RALYL: variants seen among roughly 807,000 people sequenced by gnomAD.
The protein encoded by RALYL is RNA-binding Raly-like protein.
In RALYL, 29 loss-of-function variants were observed where a neutral mutation model predicts 35.1. That is an observed-to-expected ratio of 0.83 (90% CI 0.61 to 1.13). RALYL has a LOEUF of 1.13. Ranked by LOEUF, RALYL falls within the 50% of genes most tolerant of loss-of-function variation. RALYL has a pLI of 0.00. For synonymous variants in RALYL, 120 were observed against 127.6 expected, an observed-to-expected ratio of 0.94 and a Z score of 0.40; for missense variants, 359 against 360.4, an observed-to-expected ratio of 1.00 and a Z score of 0.03.
chr8:84,884,401 A>C (rs1478393959), intron 7 of RALYL, among the ~76,000 whole-genome samples: 1 of 152,044 alleles, frequency 6.6e-6, no homozygotes, highest in Admixed American at 6.6e-5. Flanking sequence ...GATGAGGACT[A>C]TGCATGTTTA....
intron 6 of RALYL, among the ~76,000 whole-genome samples, chr8:84,869,178 C>T (rs569889043): frequency 6.6e-6 from 1 of 151,902 alleles, no homozygotes; most frequent in Admixed American, 6.6e-5. Flanking sequence ...CTGCATGGCA[C>T]AATAAAAAAT....
intron 1 of RALYL, among the ~76,000 whole-genome samples, chr8:84,236,542 C>T (rs1161523878): frequency 4.6e-5 from 7 of 152,006 alleles, no homozygotes; most frequent in Admixed American, 2.0e-4. Flanking sequence ...CCAAGTCATG[C>T]GATTGGGTTG....
At chr8:84,556,502 A>G (rs764682476) in intron 2 of RALYL, among the ~76,000 whole-genome samples, 1 of 151,964 alleles carries the variant, frequency 6.6e-6, no homozygotes, top group Non-Finnish European at 1.5e-5. Flanking sequence ...GTAAAAGACA[A>G]AAAAAAATAA....
intron 7 of RALYL, among the ~76,000 whole-genome samples, chr8:84,879,364 A>G (rs992337020): frequency 3.3e-5 from 5 of 152,208 alleles, no homozygotes; most frequent in Admixed American, 3.3e-4. Context: ...AATATTCTTC[A>G]GGAAAGAAAA....
At chr8:84,601,168 A>G (rs548562983) in intron 2 of RALYL, among the ~76,000 whole-genome samples, 4 of 152,246 alleles carry the variant, frequency 2.6e-5, no homozygotes, top group African/African-American at 9.6e-5. Flanking sequence ...TCTTAGTACT[A>G]TGGATAAGCA....
At chr8:84,915,116 G>A (rs1236287365) in intron 8 of RALYL, among the ~76,000 whole-genome samples, 1 of 151,922 alleles carries the variant, frequency 6.6e-6, no homozygotes, top group Admixed American at 6.6e-5. Context: ...CATATAAACT[G>A]TTTTTATAAA....
At chr8:84,519,590 T>A (rs891218528) in intron 1 of RALYL, among the ~76,000 whole-genome samples, 1 of 152,194 alleles carries the variant, frequency 6.6e-6, no homozygotes, top group Non-Finnish European at 1.5e-5. Flanking sequence ...CTTAGACCAA[T>A]GGCAGATATA....
rs182960608 is a variant in RALYL at position 84,564,667 on chromosome 8, G to C, written c.256+35090G>C. Among the ~76,000 whole-genome samples the C allele has an allele frequency of 2.2e-3, 328 of 151,698 alleles. 2 individuals are homozygous for C. Among genetic ancestry groups the C allele is most frequent in the African/African-American group, 7.7e-3 (320 of 41,454 alleles). On this transcript the variant is annotated intron_variant, in intron 2 of 8. Transcript: ENST00000521268. ...TTGTCGGTTACTTTTGTAAAGAGTA[G>C]TGATTTTACAGACATAAAGGCTTCT...
chr8:84,583,503 A>G (rs908091065), intron 2 of RALYL, among the ~76,000 whole-genome samples: 4 of 152,152 alleles, frequency 2.6e-5, no homozygotes, highest in Non-Finnish European at 4.4e-5. Flanking sequence ...TTAATTTAAT[A>G]AATAATCAAA....
intron 1 of RALYL, among the ~76,000 whole-genome samples, chr8:84,461,511 C>T (rs1213447713): frequency 6.6e-6 from 1 of 151,548 alleles, no homozygotes; most frequent in Non-Finnish European, 1.5e-5. Flanking sequence ...GATAAACAAC[C>T]ATATTCTCTA....
intron 2 of RALYL, among the ~76,000 whole-genome samples, chr8:84,560,025 A>G (rs2135567337): frequency 6.6e-6 from 1 of 151,864 alleles, no homozygotes; most frequent in Admixed American, 6.6e-5. Context: ...GCCTAACCTA[A>G]ACAAAAATGA....
chr8:84,330,009 A>T (rs2130673604), intron 1 of RALYL, among the ~76,000 whole-genome samples: 1 of 149,604 alleles, frequency 6.7e-6, no homozygotes. Flanking sequence ...GGATATTATT[A>T]TGAATATGTA....
chr8:84,401,804 T>C (rs1325038426), intron 1 of RALYL, among the ~76,000 whole-genome samples: 1 of 151,970 alleles, frequency 6.6e-6, no homozygotes, highest in Non-Finnish European at 1.5e-5. Context: ...CTCTATAGCC[T>C]GACAGACATT....
At chr8:84,460,759 C>A (rs964076876) in intron 1 of RALYL, among the ~76,000 whole-genome samples, 3 of 151,390 alleles carry the variant, frequency 2.0e-5, no homozygotes, top group African/African-American at 7.3e-5. Context: ...TTTTTTCATA[C>A]AGTATAAATT....
intron 1 of RALYL, among the ~76,000 whole-genome samples, chr8:84,198,214 G>C (rs117033889): frequency 0.024 from 3,724 of 152,256 alleles, 47 homozygotes; most frequent in Middle Eastern, 0.041. Flanking sequence ...GGACGTAACT[G>C]CTAAGAGCAT....
intron 2 of RALYL, among the ~76,000 whole-genome samples, chr8:84,764,240 G>C (rs1359423414): frequency 6.6e-6 from 1 of 152,106 alleles, no homozygotes; most frequent in Non-Finnish European, 1.5e-5. Flanking sequence ...ATTTTCTATA[G>C]TTAGCGGCAG....
chr8:84,347,096 G>A (rs868709609), intron 1 of RALYL, among the ~76,000 whole-genome samples: 3 of 151,890 alleles, frequency 2.0e-5, no homozygotes, highest in South Asian at 4.2e-4. Context: ...AGCTACCTGG[G>A]AGGCTGAGGC....
At chr8:84,552,054 G>A (rs1157198605) in intron 2 of RALYL, among the ~76,000 whole-genome samples, 1 of 149,884 alleles carries the variant, frequency 6.7e-6, no homozygotes, top group Admixed American at 6.7e-5. Context: ...ATTTTGATAA[G>A]TTCAAAAGTA....
At chr8:84,658,652 T>C (rs1830371597) in intron 2 of RALYL, among the ~76,000 whole-genome samples, 1 of 152,044 alleles carries the variant, frequency 6.6e-6, no homozygotes, top group African/African-American at 2.4e-5. Context: ...GAGCTGATGG[T>C]CTCTCTGCTT....
Sources: allele counts gnomAD v4.1 joint callset (sites outside exome capture counted in the v4.1 genomes callset), GRCh38; gene constraint gnomAD v4.1.1; transcripts MANE v1.5; gene names NCBI Gene and HGNC (gene_info 2026-07-23, HGNC 2026-07-21).